Variants in PLCD3 observed in about 807,000 individuals in gnomAD.
PLCD3 encodes the protein phospholipase C delta 3, also known as 1-phosphatidylinositol 4,5-bisphosphate phosphodiesterase delta-3.
Under a neutral mutation model 82.8 loss-of-function variants are expected in PLCD3, and 62 were observed. That is an observed-to-expected ratio of 0.75 (90% CI 0.61 to 0.93). PLCD3 has a LOEUF of 0.93. PLCD3 is among the 40% of genes least tolerant of loss of function. The probability of loss-of-function intolerance (pLI) is 0.00; values close to 1 mark genes in which losing one functional copy is unlikely to be tolerated. For missense variants in PLCD3, 1,023 were observed against 1,103.4 expected, an observed-to-expected ratio of 0.93 and a Z score of 1.03; for synonymous variants, 478 against 471.8, an observed-to-expected ratio of 1.01 and a Z score of -0.17.
intron 7 of PLCD3, among the ~76,000 whole-genome samples, chr17:45,117,101 C>T (rs1302727373): frequency 1.3e-5 from 2 of 152,176 alleles, no homozygotes; most frequent in Non-Finnish European, 2.9e-5. Context: ...CCCGCCACCA[C>T]ACCCGGCTAA....
chr17:45,125,212 C>T (rs2054372398), intron 1 of PLCD3, among the ~76,000 whole-genome samples: 1 of 152,032 alleles, frequency 6.6e-6, no homozygotes, highest in Non-Finnish European at 1.5e-5. Context: ...CCTGCAATCC[C>T]AGCACTTTGG....
chr17:45,118,002 C>T lies in PLCD3; in HGVS notation c.1252G>A (p.Ala418Thr). The T allele has an allele frequency of 6.2e-7, 1 of 1,613,378 alleles. No homozygotes were observed. The highest frequency in any genetic ancestry group is 8.5e-7 in the Non-Finnish European group (1 of 1,179,726). ...RDVVQAVRDH[A>T]FTLSPYPVIL... ...GCATCCCAGGGGCTCACCGTGAAGG[C>T]ATGGTCGCGCACGGCTTGGACCACG... The change falls in exon 7 of 15, where the codon GCC becomes ACC. Residue 418 changes from alanine (A) to threonine (T), a missense_variant. By Grantham distance (58) the Ala-to-Thr change is moderately conservative. Transcript: ENST00000619929. The surrounding 1 kb of genome is among the most constrained non-coding windows in gnomAD (Gnocchi z 4.1).
At position 45,111,655 on chromosome 17, in the gene PLCD3, C is replaced by T. The variant is rs1212604329; in HGVS notation, c.*961G>A. On this transcript the variant is annotated 3_prime_UTR_variant, in exon 15 of 15. Coordinates refer to ENST00000619929, the MANE Select transcript of PLCD3 (RefSeq NM_133373.5). Reference sequence around the variant, plus strand: ...GCTCAGGGAGTGGCGGTGGTGAAATCAACGTGCTTCTTTATTTTTTAAACT... The same window carrying T: ...GCTCAGGGAGTGGCGGTGGTGAAATTAACGTGCTTCTTTATTTTTTAAACT... The T allele has an allele frequency of 6.6e-6, 1 of 152,138 alleles. No homozygotes were observed. The highest frequency in any genetic ancestry group is 2.4e-5 in the African/African-American group (1 of 41,400). The allele number at this position is 152,138 out of a possible 1,614,324, so 9.4% of individuals were successfully genotyped here.
In PLCD3 at chr17:45,118,789, C is replaced by A. The variant is rs769161578; in HGVS notation, c.913+26G>T. The A allele has an allele frequency of 6.3e-7, 1 of 1,584,672 alleles. No homozygotes were observed. The highest frequency in any genetic ancestry group is 8.6e-7 in the Non-Finnish European group (1 of 1,163,632). On this transcript the variant is annotated intron_variant, in intron 5 of 14. Coordinates refer to ENST00000619929, the MANE Select transcript of PLCD3 (RefSeq NM_133373.5). The surrounding 1 kb of genome is among the most constrained non-coding windows in gnomAD (Gnocchi z 4.1). The stretch of plus-strand genomic sequence containing the variant: ...GGGAACACAGCCCTTTCAGGTGCCA[C>A]GACCTGGCCGTGCCACCCCCCCCAC...
chr17:45,121,347 G>A lies in PLCD3; in HGVS notation c.189C>T (p.Arg63=), dbSNP rs1162742268. 1 of 1,542,574 alleles carries A rather than the reference G, an allele frequency of 6.5e-7. No homozygotes were observed. Among genetic ancestry groups the A allele is most frequent in the Non-Finnish European group, 8.7e-7 (1 of 1,152,392 alleles). ...GGAGCCGGGAGCCCCGCAGCATGGC[G>A]CGCACGTCCTCGTCCTCCGTCAGGC... ...KMGLTEDEDV[R]AMLRGSRLRK... Residue 63 remains arginine (R), a synonymous_variant, in exon 2 of 15, where the codon CGC becomes CGT. Transcript: ENST00000619929.
intron 1 of PLCD3, among the ~76,000 whole-genome samples, chr17:45,131,944 C>T (rs1394338422): frequency 6.6e-6 from 1 of 152,208 alleles, no homozygotes; most frequent in Non-Finnish European, 1.5e-5. Flanking sequence ...CCCCAAGCCT[C>T]CCTCTCCCGC....
At position 45,118,519 on chromosome 17, in the gene PLCD3, A is replaced by C; in HGVS notation, c.914-27T>G. ...TGCAGGGGTGGCAGGAGAGGGCATCAGGCCACATAGGGATCCCCCATGTCC... is the reference window on the plus strand; with the variant it reads ...TGCAGGGGTGGCAGGAGAGGGCATCCGGCCACATAGGGATCCCCCATGTCC... On this transcript the variant is annotated intron_variant, in intron 5 of 14. Transcript: ENST00000619929. The surrounding 1 kb of genome is among the most constrained non-coding windows in gnomAD (Gnocchi z 4.1). 6.2e-7 allele frequency: 1 copy of C among 1,611,702 alleles called. No individual in the cohort carries two copies. The highest frequency in any genetic ancestry group is 8.5e-7 in the Non-Finnish European group (1 of 1,178,506).
Position 45,116,650 on chromosome 17 carries a change from C to T in PLCD3, c.1395G>A (p.Glu465=), listed in dbSNP as rs1364091706. 6.3e-6 allele frequency: 10 copies of T among 1,598,970 alleles called. No homozygotes were observed. Among genetic ancestry groups the T allele is most frequent in the Non-Finnish European group, 8.5e-6 (10 of 1,171,402 alleles). Residue 465 remains glutamate, a synonymous_variant, in exon 8 of 15, where the codon GAG becomes GAA. Transcript: ENST00000619929. ...VTQALDSPNP[E]ELPSPEQLKG... is the part of the protein sequence containing the mutation. ...GCGTCACCTCTGGGGATGGCAGCTC[C>T]TCGGGATTTGGGGAGTCCAGCGCCT...
Position 45,129,795 on chromosome 17 carries a change from C to T in PLCD3, c.163+2453G>A, listed in dbSNP as rs144688221. ...GGGGGACTGGAGGGGGGACAAAGGA[C>T]TCCCACTCACTGTGGGGGTGTTTTC... On this transcript the variant is annotated intron_variant, in intron 1 of 14. Coordinates refer to ENST00000619929, the MANE Select transcript of PLCD3 (RefSeq NM_133373.5). Among the ~76,000 whole-genome samples the T allele has an allele frequency of 3.3e-5, 5 of 152,346 alleles. No individual in the cohort carries two copies. The East Asian group carries it at 7.7e-4, about 24-fold the overall frequency.
Position 45,116,669 on chromosome 17 carries a change from A to T in PLCD3, c.1376T>A (p.Leu459Gln). 3.1e-6 allele frequency: 5 copies of T among 1,609,242 alleles called. No homozygotes were observed. Among genetic ancestry groups the T allele is most frequent in the Non-Finnish European group, 4.2e-6 (5 of 1,177,254 alleles). Residue 459 changes from leucine (L) to glutamine (Q), a missense_variant, in exon 8 of 15, where the codon CTG becomes CAG. By Grantham distance (113) the Leu-to-Gln change is moderately radical (BLOSUM62 -2). Transcript: ENST00000619929. ...CAGCTCCTCGGGATTTGGGGAGTCC[A>T]GCGCCTGTGTCACCAGCATGTCCCC... ...ILGDMLVTQALDSPNPEELPS... is the reference protein window; with the variant it reads ...ILGDMLVTQAQDSPNPEELPS...
rs776748813 is a variant in PLCD3, at chr17:45,118,281, G to A, written c.1115+10C>T. ...GGGCTCCCGGAAACATTCACCCCCT[G>A]CTACAGTACCTAACATAGGCCTCGG... On this transcript the variant is annotated intron_variant, in intron 6 of 14. Coordinates refer to ENST00000619929, the MANE Select transcript of PLCD3 (RefSeq NM_133373.5). The surrounding 1 kb of genome is among the most constrained non-coding windows in gnomAD (Gnocchi z 4.1). The A allele has an allele frequency of 1.2e-4, 190 of 1,613,992 alleles. No homozygotes were observed. Among genetic ancestry groups the A allele is most frequent in the Middle Eastern group, 9.9e-4 (6 of 6,062 alleles).
chr17:45,113,510 A>T lies in PLCD3; in HGVS notation c.1924T>A (p.Cys642Ser), dbSNP rs1374506759. ...AAGGTCGAGTCAGGTTGCCGCAGGCAGGCAGGTTTTAGGACGTAGCCACAC... is the reference window on the plus strand; with the variant it reads ...AAGGTCGAGTCAGGTTGCCGCAGGCTGGCAGGTTTTAGGACGTAGCCACAC... ...GQCGYVLKPA[C>S]LRQPDSTFDP... is the part of the protein sequence containing the mutation. Residue 642 changes from cysteine (C) to serine (S), a missense_variant, in exon 12 of 15, where the codon TGC becomes AGC. By Grantham distance (112) the Cys-to-Ser change is moderately radical. Transcript: ENST00000619929. The T allele has an allele frequency of 1.3e-6, 2 of 1,585,086 alleles. No homozygotes were observed. The highest frequency in any genetic ancestry group is 1.3e-5 in the African/African-American group (1 of 74,280).
In PLCD3 at chr17:45,118,243, C is replaced by T. The variant is rs1194979581; in HGVS notation, c.1115+48G>A. 1.9e-6 allele frequency: 3 copies of T among 1,612,200 alleles called. No homozygotes were observed. In the East Asian group the frequency reaches 6.7e-5, roughly 36 times the overall value. On this transcript the variant is annotated intron_variant, in intron 6 of 14. Coordinates refer to ENST00000619929, the MANE Select transcript of PLCD3 (RefSeq NM_133373.5). This position sits in a 1 kb window ranked among gnomAD's most constrained non-coding sequence, Gnocchi z 4.1. ...AAGGCCCCAGGAAGCCAGCCCATGTCTCTCCCCAGGTGGGGCTCCCGGAAA... is the reference window on the plus strand; with the variant it reads ...AAGGCCCCAGGAAGCCAGCCCATGTTTCTCCCCAGGTGGGGCTCCCGGAAA...
At chr17:45,128,747 A>C (rs1567885019) in intron 1 of PLCD3, among the ~76,000 whole-genome samples, 1 of 152,260 alleles carries the variant, frequency 6.6e-6, no homozygotes, top group Non-Finnish European at 1.5e-5. Context: ...TTAAATGTGA[A>C]ATTCAGATAA....
In PLCD3 at chr17:45,118,893, G is replaced by T; in HGVS notation, c.835C>A (p.Leu279Met). Reference sequence around the variant, plus strand: ...GCGCCCTCCTCGCCCTGGTCCTCCAGGAACTCCAGCAGCTCAGGGGCACTC... The same window carrying T: ...GCGCCCTCCTCGCCCTGGTCCTCCATGAACTCCAGCAGCTCAGGGGCACTC... ...VLSAPELLEF[L>M]EDQGEEGATL... The change falls in exon 5 of 15, where the codon CTG becomes ATG. Residue 279 changes from leucine to methionine, a missense_variant. This residue lies in a region of PLCD3 where 448 missense variants were observed against 406.3 expected (regional missense o/e 1.10). Transcript: ENST00000619929. The surrounding 1 kb of genome is among the most constrained non-coding windows in gnomAD (Gnocchi z 4.1). 6.2e-7 allele frequency: 1 copy of T among 1,612,624 alleles called. No individual in the cohort carries two copies. The highest frequency in any genetic ancestry group is 1.7e-5 in the Admixed American group (1 of 60,000).
In PLCD3 at chr17:45,121,356, C is replaced by T; in HGVS notation, c.180G>A (p.Glu60=). The change falls in exon 2 of 15, where the codon GAG becomes GAA. Residue 60 remains glutamate (E), a synonymous_variant. Transcript: ENST00000619929. ...ALKKMGLTED[E]DVRAMLRGSR... ...AGCCCCGCAGCATGGCGCGCACGTCCTCGTCCTCCGTCAGGCCTGGCGGGG... is the reference window on the plus strand; with the variant it reads ...AGCCCCGCAGCATGGCGCGCACGTCTTCGTCCTCCGTCAGGCCTGGCGGGG... 6.5e-7 allele frequency: 1 copy of T among 1,532,416 alleles called. No individual in the cohort carries two copies. Among genetic ancestry groups the T allele is most frequent in the Non-Finnish European group, 8.7e-7 (1 of 1,147,066 alleles). 94.9% of individuals were successfully genotyped at this position (1,532,416 alleles called of 1,614,324 possible).
chr17:45,120,015 C>T (rs780227136), intron 4 of PLCD3, among the ~76,000 whole-genome samples: 1 of 152,268 alleles, frequency 6.6e-6, no homozygotes, highest in Non-Finnish European at 1.5e-5. Context: ...TGCCTGTGCC[C>T]CCACGTGCAA....
At position 45,113,018 on chromosome 17, in the gene PLCD3, G is replaced by T. The variant is rs1185601420; in HGVS notation, c.2132-6C>A. The stretch of plus-strand genomic sequence containing the variant: ...CCCCCAGCGGGGGTTGAAGCCTAGG[G>T]CACAGGGATGGCAGTCAGAGCCCAG... On this transcript the variant is annotated splice_region_variant and splice_polypyrimidine_tract_variant and intron_variant, in intron 13 of 14. Coordinates refer to ENST00000619929, the MANE Select transcript of PLCD3 (RefSeq NM_133373.5). 1.9e-6 allele frequency: 3 copies of T among 1,602,948 alleles called. No homozygotes were observed. In the African/African-American group the frequency reaches 4.0e-5, roughly 21 times the overall value.
In PLCD3 at chr17:45,120,922, G is replaced by A. The variant is rs1277252318; in HGVS notation, c.534C>T (p.Ser178=). ...TKLRARLDAM[S]QRERLDHWIH... ...GATATTGGTCTAGCCGCTCGCGCTG[G>A]CTCATGGCGTCCAGGCGCGCGCGGA... Residue 178 remains serine (S), a synonymous_variant, in exon 3 of 15, where the codon AGC becomes AGT. Coordinates refer to ENST00000619929, the MANE Select transcript of PLCD3 (RefSeq NM_133373.5). 2.1e-6 allele frequency: 3 copies of A among 1,452,698 alleles called. No individual in the cohort carries two copies. The highest frequency in any genetic ancestry group is 2.7e-5 in the Admixed American group (1 of 37,090). The allele number at this position is 1,452,698 out of a possible 1,614,324, so 90.0% of individuals were successfully genotyped here. A position where few individuals can be genotyped will look rare whatever the true frequency, so the allele number is the denominator to read the frequency against.
Sources: gnomAD v4.1 joint callset for allele counts (sites outside exome capture counted in the v4.1 genomes callset) on GRCh38, gnomAD v4.1.1 for gene constraint, gnomAD v4.1.1 regional missense constraint, Gnocchi (gnomAD v3.1) non-coding constraint, MANE v1.5 for transcripts, NCBI Gene and HGNC (gene_info 2026-07-23, HGNC 2026-07-21) for gene names.